The following KIAA1217 variants were observed in gnomAD, a reference collection of about 807,000 sequenced individuals.
KIAA1217 encodes sickle tail protein homolog.
Under a neutral mutation model 163.9 loss-of-function variants are expected in KIAA1217, and 88 were observed. That is an observed-to-expected ratio of 0.54 (90% confidence interval 0.45 to 0.64). The LOEUF (loss-of-function observed/expected upper bound fraction) is 0.64, where lower values mean the gene tolerates loss of function less well. Ranked by LOEUF, KIAA1217 falls within the 30% of genes least tolerant of loss-of-function variation. KIAA1217 has a pLI of 0.00. For synonymous variants in KIAA1217, 903 were observed against 923.1 expected, an observed-to-expected ratio of 0.98 and a Z score of 0.39; for missense variants, 2,372 against 2,475.0, an observed-to-expected ratio of 0.96 and a Z score of 0.88.
intron 2 of KIAA1217, among the ~76,000 whole-genome samples, chr10:24,278,252 G>A (rs2077527340): frequency 6.6e-6 from 1 of 152,232 alleles, no homozygotes; most frequent in Admixed American, 6.5e-5. Flanking sequence ...CTGTCAGGTA[G>A]AAGATGGATG....
rs1838619595 is a variant in KIAA1217, at chr10:23,733,683, G to A, written c.-321+38449G>A. Among the ~76,000 whole-genome samples the A allele has an allele frequency of 2.0e-5, 3 of 151,656 alleles. No individual in the cohort carries two copies. In the South Asian group the frequency reaches 6.2e-4, roughly 32 times the overall value. On this transcript the variant is annotated intron_variant, in intron 1 of 18. Coordinates refer to the KIAA1217 transcript ENST00000376462. The stretch of plus-strand genomic sequence containing the variant: ...TGAATCTGCATATGCAGAAACCGTG[G>A]GTATAGTACCCGCCAGATAGAGAGG...
At chr10:24,480,386 C>T (rs1443725127) in intron 6 of KIAA1217, among the ~76,000 whole-genome samples, 2 of 152,224 alleles carry the variant, frequency 1.3e-5, no homozygotes, top group African/African-American at 4.8e-5. Flanking sequence ...TGACTACCTT[C>T]AGGTCAGTCA....
In KIAA1217 at chr10:24,546,034, G is replaced by T. The variant is rs147600735; in HGVS notation, c.5542G>T (p.Ala1848Ser). ...NPLSPQTGPP[A>S]HSASLIPSVS... ...TCTCAGCCCCCAAACAGGACCACCT[G>T]CTCACTCTGCCTCCCTCATCCCTTC... Residue 1848 changes from alanine to serine, a missense_variant, in exon 21 of 21, where the codon GCT becomes TCT. Around this residue, in one of 3 missense-constraint regions of KIAA1217, gnomAD observed 690 missense variants for 677.5 expected, o/e 1.02. Transcript: ENST00000376454. The T allele has an allele frequency of 4.6e-5, 74 of 1,614,132 alleles. 1 individual carries two copies. In the African/African-American group the frequency reaches 8.3e-4, roughly 18 times the overall value.
At chr10:23,866,123 A>T (rs1840170675) in intron 1 of KIAA1217, among the ~76,000 whole-genome samples, 1 of 152,196 alleles carries the variant, frequency 6.6e-6, no homozygotes, top group African/African-American at 2.4e-5. Context: ...AAATAAATAA[A>T]GTAACCTCTG....
intron 1 of KIAA1217, among the ~76,000 whole-genome samples, chr10:23,927,315 C>T (rs1178747357): frequency 7.2e-6 from 1 of 138,108 alleles, no homozygotes; most frequent in East Asian, 2.0e-4. Context: ...CTCACCCTAG[C>T]AAGTCATAGG....
intron 3 of KIAA1217, among the ~76,000 whole-genome samples, chr10:24,421,963 A>C (rs1214679783): frequency 6.6e-6 from 1 of 152,136 alleles, no homozygotes; most frequent in Non-Finnish European, 1.5e-5. Context: ...CATACCTGAG[A>C]CTGGGTAATT....
intron 3 of KIAA1217, among the ~76,000 whole-genome samples, chr10:24,397,764 A>G (rs1365769081): frequency 6.6e-6 from 1 of 152,202 alleles, no homozygotes; most frequent in Non-Finnish European, 1.5e-5. Flanking sequence ...ATGAAGCTGG[A>G]GCCACAGAGG....
intron 2 of KIAA1217, among the ~76,000 whole-genome samples, chr10:24,097,236 A>G (rs2062200212): frequency 1.3e-5 from 2 of 152,234 alleles, no homozygotes; most frequent in South Asian, 4.1e-4. Flanking sequence ...CTTCAAAGGA[A>G]TAAGGGAAAA....
At chr10:23,975,825 T>C (rs978014324) in intron 1 of KIAA1217, among the ~76,000 whole-genome samples, 2 of 152,320 alleles carry the variant, frequency 1.3e-5, no homozygotes, top group East Asian at 3.9e-4. Flanking sequence ...ATGGACCCCA[T>C]GTGACATGAA....
Position 24,140,630 on chromosome 10 carries a change from C to A in KIAA1217, c.-170-78996C>A, listed in dbSNP as rs2064024718. 2.0e-5 allele frequency among the ~76,000 whole-genome samples: 3 copies of A among 152,180 alleles called. No individual in the cohort carries two copies. In the South Asian group the frequency reaches 6.2e-4, roughly 32 times the overall value. On this transcript the variant is annotated intron_variant, in intron 2 of 18. Transcript: ENST00000376462. ...CTGTATGAGATTTCATCACACCACTCAGAATGGCATGCACTTTAAAACTTA... is the reference window on the plus strand; with the variant it reads ...CTGTATGAGATTTCATCACACCACTAAGAATGGCATGCACTTTAAAACTTA...
chr10:24,520,627 CAAAAA>C (rs71472812), intron 11 of KIAA1217, among the ~76,000 whole-genome samples: 28 of 44,924 alleles, frequency 6.2e-4, no homozygotes, highest in East Asian at 4.5e-3. Context: ...ACATCTCTAC[CAAAAA>C]AAAAAAAAAA....
rs116181425 is a variant in KIAA1217, at chr10:24,052,559, T to C, written c.-171+45185T>C. The stretch of plus-strand genomic sequence containing the variant: ...GAATATTTTGCTATCTAAACTACTT[T>C]TTCATTTAATTTCCTTGTATTCAGT... On this transcript the variant is annotated intron_variant, in intron 2 of 18. Coordinates refer to the KIAA1217 transcript ENST00000376462. Among the ~76,000 whole-genome samples, 503 of 146,098 alleles carry C rather than the reference T, an allele frequency of 3.4e-3. 1 individual carries two copies. The highest frequency in any genetic ancestry group is 0.012 in the African/African-American group (483 of 39,362).
chr10:24,407,283 T>TGTGC (rs1348899087), intron 3 of KIAA1217, among the ~76,000 whole-genome samples: 2 of 143,988 alleles, frequency 1.4e-5, no homozygotes, highest in East Asian at 4.0e-4. Flanking sequence ...TGTGTGTGTG[T>TGTGC]GTGCGTGCGT....
At chr10:24,167,221 AAAAG>A (rs2065394480) in intron 2 of KIAA1217, among the ~76,000 whole-genome samples, 1 of 151,938 alleles carries the variant, frequency 6.6e-6, no homozygotes, top group African/African-American at 2.4e-5. Flanking sequence ...CTTTCTGATA[AAAAG>A]CACTGAATAA....
At chr10:24,466,638 G>T in intron 5 of KIAA1217, 3 of 985,436 alleles carry the variant, frequency 3.0e-6, no homozygotes, top group Non-Finnish European at 3.6e-6. Flanking sequence ...CTTTTGTGAT[G>T]ATTTTGTTTC....
At chr10:23,864,786 A>G (rs187996197) in intron 1 of KIAA1217, among the ~76,000 whole-genome samples, 1 of 152,248 alleles carries the variant, frequency 6.6e-6, no homozygotes. Context: ...TGGCATGACT[A>G]TGGGGGCTGA....
At chr10:23,990,366 T>C (rs1238116725) in intron 1 of KIAA1217, among the ~76,000 whole-genome samples, 1 of 152,296 alleles carries the variant, frequency 6.6e-6, no homozygotes, top group Non-Finnish European at 1.5e-5. Flanking sequence ...TTTCTACTTC[T>C]TTTCATGAAG....
chr10:24,417,697 A>G (rs1190018379), intron 3 of KIAA1217, among the ~76,000 whole-genome samples: 2 of 152,168 alleles, frequency 1.3e-5, no homozygotes, highest in African/African-American at 2.4e-5. Context: ...AGAGGTGGGA[A>G]GAAGTGGTAC....
In KIAA1217 at chr10:24,533,050, G is replaced by A; in HGVS notation, c.3247-20G>A. 6.3e-7 allele frequency: 1 copy of A among 1,597,728 alleles called. No homozygotes were observed. Among genetic ancestry groups the A allele is most frequent in the South Asian group, 1.1e-5 (1 of 89,072 alleles). ...CCTAGGAGATGTTAAACCACTATCT[G>A]TTGTTTCAATCTCCCACAGGCAAGC... On this transcript the variant is annotated intron_variant, in intron 15 of 20. Transcript: ENST00000376454.
Sources: gnomAD v4.1 joint callset for allele counts (sites outside exome capture counted in the v4.1 genomes callset) on GRCh38, gnomAD v4.1.1 for gene constraint, gnomAD v4.1.1 regional missense constraint, MANE v1.5 for transcripts, NCBI Gene and HGNC (gene_info 2026-07-23, HGNC 2026-07-21) for gene names.